PCSK5: variants seen among roughly 807,000 people sequenced by gnomAD.
The protein encoded by PCSK5 is proprotein convertase subtilisin/kexin type 5.
In PCSK5, 129 loss-of-function variants were observed where a neutral mutation model predicts 233.2. The ratio of observed to expected loss-of-function variants is 0.55; its 90% CI spans 0.48 to 0.64. The LOEUF (loss-of-function observed/expected upper bound fraction) is 0.64, where lower values mean the gene tolerates loss of function less well. Among genes scored for constraint, PCSK5 ranks in the 30% least tolerant of loss-of-function variants. The probability of loss-of-function intolerance (pLI) is 0.00; values close to 1 mark genes in which losing one functional copy is unlikely to be tolerated. For missense variants in PCSK5, 2,076 were observed against 2,430.1 expected (o/e 0.85, Z 3.06); for synonymous variants, 825 against 879.2 (o/e 0.94, Z 1.09).
chr9:76,063,240 T>G (rs1276754713), intron 5 of PCSK5, among the ~76,000 whole-genome samples: 1 of 151,464 alleles, frequency 6.6e-6, no homozygotes, highest in Admixed American at 6.6e-5. Flanking sequence ...GCTTAAGTGA[T>G]TCTCCCACCT....
At chr9:76,227,267 T>C (rs1002068371) in intron 20 of PCSK5, among the ~76,000 whole-genome samples, 3 of 152,182 alleles carry the variant, frequency 2.0e-5, no homozygotes, top group Non-Finnish European at 4.4e-5. Flanking sequence ...GATTCAGAAA[T>C]ATGTCATTGC....
chr9:75,973,010 T>C (rs1443732098), intron 2 of PCSK5, among the ~76,000 whole-genome samples: 2 of 152,150 alleles, frequency 1.3e-5, no homozygotes, highest in African/African-American at 4.8e-5. Context: ...ATCAGGGTTC[T>C]TGTTTCAGGT....
intron 5 of PCSK5, among the ~76,000 whole-genome samples, chr9:76,049,543 A>C (rs1182089209): frequency 6.6e-6 from 1 of 152,228 alleles, no homozygotes; most frequent in Admixed American, 6.5e-5. Context: ...AGCACTGCTT[A>C]TCTCTACTTC....
At chr9:76,025,455 A>G (rs1440293628) in intron 4 of PCSK5, among the ~76,000 whole-genome samples, 1 of 152,078 alleles carries the variant, frequency 6.6e-6, no homozygotes, top group African/African-American at 2.4e-5. Flanking sequence ...AGAACTGAAA[A>G]TAAGCCAAAT....
At chr9:75,894,896 C>T (rs567005022) in intron 1 of PCSK5, among the ~76,000 whole-genome samples, 4 of 152,268 alleles carry the variant, frequency 2.6e-5, no homozygotes, top group Non-Finnish European at 5.9e-5. Context: ...AATTGTGGAC[C>T]TCCATTTAGA....
chr9:76,159,265 C>G, intron 12 of PCSK5, 94 bp downstream of exon 12: 3 of 1,153,724 alleles, frequency 2.6e-6, no homozygotes, highest in Non-Finnish European at 3.7e-6. Flanking sequence ...TTCACCTAAC[C>G]TGGGAACCAG....
chr9:76,089,505 T>C (rs1461856753), intron 7 of PCSK5, among the ~76,000 whole-genome samples: 1 of 152,222 alleles, frequency 6.6e-6, no homozygotes, highest in Admixed American at 6.5e-5. Context: ...CATTTAGTGC[T>C]ATCTACTTTG....
chr9:76,121,039 C>T (rs1363482536), intron 9 of PCSK5, among the ~76,000 whole-genome samples: 1 of 152,032 alleles, frequency 6.6e-6, no homozygotes, highest in Non-Finnish European at 1.5e-5. Context: ...ATTAACCCTT[C>T]AAAAAATGTT....
chr9:76,115,670 T>C (rs1174791841), intron 9 of PCSK5, among the ~76,000 whole-genome samples: 2 of 152,192 alleles, frequency 1.3e-5, no homozygotes, highest in African/African-American at 4.8e-5. Flanking sequence ...TTTTTTAGGG[T>C]CCATTAGTTT....
chr9:76,047,789 T>C (rs1236284019), intron 5 of PCSK5, among the ~76,000 whole-genome samples: 2 of 152,218 alleles, frequency 1.3e-5, no homozygotes, highest in East Asian at 3.9e-4. Flanking sequence ...AATGGTGCTT[T>C]GTTTGTAATA....
chr9:76,118,570 T>C (rs1832519148), intron 9 of PCSK5, among the ~76,000 whole-genome samples: 2 of 152,088 alleles, frequency 1.3e-5, no homozygotes, highest in Non-Finnish European at 2.9e-5. Context: ...TAAGTATTTA[T>C]TTAATACTGA....
chr9:76,189,823 TAAAAA>T (rs1564094213), intron 20 of PCSK5, 77 bp downstream of exon 20: 5 of 784,786 alleles, frequency 6.4e-6, no homozygotes, highest in Admixed American at 2.4e-5. Context: ...TTTTTCCACT[TAAAAA>T]AGAAACTCAC....
At position 76,311,654 on chromosome 9, in the gene PCSK5, T is replaced by C. The variant is rs567859227; in HGVS notation, c.3884+803T>C. 8.5e-5 allele frequency among the ~76,000 whole-genome samples: 13 copies of C among 152,258 alleles called. No homozygotes were observed. The East Asian group carries it at 1.9e-3, about 23-fold the overall frequency. Reference sequence around the variant, plus strand: ...GAGTACAGCAAGAAACTTTCAGCAATAAGCAACAGAAATGCCAAGTAAAAT... The same window carrying C: ...GAGTACAGCAAGAAACTTTCAGCAACAAGCAACAGAAATGCCAAGTAAAAT... On this transcript the variant is annotated intron_variant, in intron 30 of 37. Coordinates refer to ENST00000674117, the MANE Select transcript of PCSK5 (RefSeq NM_001372043.1).
At chr9:76,322,875 T>C (rs1829247873) in intron 31 of PCSK5, among the ~76,000 whole-genome samples, 177 bp from the exon 32 acceptor site, 1 of 152,196 alleles carries the variant, frequency 6.6e-6, no homozygotes, top group South Asian at 2.1e-4. Context: ...GTGGCCTCCT[T>C]GTCCCAAGGC....
chr9:76,135,747 C>T (rs1013754799), intron 10 of PCSK5, among the ~76,000 whole-genome samples: 1 of 152,056 alleles, frequency 6.6e-6, no homozygotes, highest in African/African-American at 2.4e-5. Context: ...TGACACATAA[C>T]CTTAGCTAGT....
chr9:75,894,994 A>G (rs1469177435), intron 1 of PCSK5, among the ~76,000 whole-genome samples: 1 of 152,222 alleles, frequency 6.6e-6, no homozygotes, highest in Non-Finnish European at 1.5e-5. Context: ...ACAATGTGCA[A>G]TAGCTGTATT....
At chr9:76,169,873 G>A (rs771312608) in intron 13 of PCSK5, 33 bp downstream of exon 13, 3 of 1,578,908 alleles carry the variant, frequency 1.9e-6, no homozygotes, top group Admixed American at 1.7e-5. Context: ...TTGTTCTACT[G>A]TGTAGAAGAA....
intron 33 of PCSK5, among the ~76,000 whole-genome samples, chr9:76,330,281 A>T (rs548014189): frequency 1.2e-4 from 18 of 152,306 alleles, no homozygotes; most frequent in African/African-American, 4.3e-4. Flanking sequence ...GTTCCCAGGG[A>T]TACTGTGACT....
At chr9:76,220,501 T>C (rs1421954281) in intron 20 of PCSK5, among the ~76,000 whole-genome samples, 1 of 128,312 alleles carries the variant, frequency 7.8e-6, no homozygotes, top group East Asian at 2.3e-4. Flanking sequence ...CACTCCAGCC[T>C]GGGCGACCGA....
Sources: allele counts gnomAD v4.1 joint callset (sites outside exome capture counted in the v4.1 genomes callset), GRCh38; gene constraint gnomAD v4.1.1; transcripts MANE v1.5; gene names NCBI Gene and HGNC (gene_info 2026-07-23, HGNC 2026-07-21).